AKAP9: variants seen among roughly 807,000 people sequenced by gnomAD.
AKAP9 encodes the protein A-kinase anchoring protein 9.
A neutral mutation model predicts 488.5 loss-of-function variants in AKAP9; 311 were observed. That is an observed-to-expected ratio of 0.64 (90% CI 0.58 to 0.70). The LOEUF is 0.70. Ranked by LOEUF, AKAP9 falls within the 30% of genes least tolerant of loss-of-function variation. AKAP9 has a pLI of 0.00. For synonymous variants in AKAP9, 1,462 were observed against 1,483.5 expected (o/e 0.99, Z 0.33); for missense variants, 4,215 against 4,374.5 (o/e 0.96, Z 1.03).
At chr7:92,059,364 C>T (rs181210296) in intron 22 of AKAP9, among the ~76,000 whole-genome samples, 74 of 151,764 alleles carry the variant, frequency 4.9e-4, no homozygotes, top group East Asian at 9.7e-4. Context: ...TCTCATCTCC[C>T]GATGAAGTGT....
intron 44 of AKAP9, chr7:92,100,135 A>T (rs1817278188): frequency 2.7e-6 from 1 of 367,034 alleles, no homozygotes. Context: ...ACCTGAGAAA[A>T]CTGAATTGAA....
At chr7:91,989,976 A>G (rs942815966) in intron 3 of AKAP9, among the ~76,000 whole-genome samples, 5 of 152,048 alleles carry the variant, frequency 3.3e-5, no homozygotes, top group Non-Finnish European at 5.9e-5. Flanking sequence ...CTGAATAGCA[A>G]TGTTGTTATG....
Position 92,089,541 on chromosome 7 carries a change from G to A in AKAP9, c.9358+12G>A, listed in dbSNP as rs767360713. On this transcript the variant is annotated intron_variant, in intron 38 of 49. Coordinates refer to ENST00000356239, the MANE Select transcript of AKAP9 (RefSeq NM_005751.5). ...GAAACCAAGCCAAGGTATGTTGTAT[G>A]ACAAGCTCATATGGTTACACAAACA... 2 of 1,612,508 alleles carry A rather than the reference G, an allele frequency of 1.2e-6. No individual in the cohort carries two copies. The highest frequency in any genetic ancestry group is 3.3e-5 in the Admixed American group (2 of 59,952).
chr7:92,092,481 A>G (rs1172300314), intron 38 of AKAP9: 2 of 150,798 alleles, frequency 1.3e-5, no homozygotes, highest in Non-Finnish European at 2.9e-5. Context: ...GAAATTCTGA[A>G]TGTACAAATA....
rs758216355 is a variant in AKAP9, at chr7:92,086,428, C to T, written c.9213+12C>T. The stretch of plus-strand genomic sequence containing the variant: ...GAATACAAGAACAGGTATAATGAAA[C>T]TTCATTTTAAAAACACTTTAATAGA... On this transcript the variant is annotated intron_variant, in intron 37 of 49. Transcript: ENST00000356239. 3.8e-6 allele frequency: 6 copies of T among 1,599,738 alleles called. No homozygotes were observed. Among genetic ancestry groups the T allele is most frequent in the Non-Finnish European group, 5.1e-6 (6 of 1,167,190 alleles).
At chr7:91,969,603 G>C (rs1345530583) in intron 1 of AKAP9, among the ~76,000 whole-genome samples, 1 of 152,156 alleles carries the variant, frequency 6.6e-6, no homozygotes, top group Non-Finnish European at 1.5e-5. Flanking sequence ...TGGGTGCATA[G>C]ATATTTATAA....
At position 92,002,106 on chromosome 7, in the gene AKAP9, TA is replaced by T. The variant is rs747645926; in HGVS notation, c.2190del (p.Leu731SerfsTer25). The T allele has an allele frequency of 1.3e-6, 2 of 1,592,844 alleles. No homozygotes were observed. Among genetic ancestry groups the T allele is most frequent in the Non-Finnish European group, 1.7e-6 (2 of 1,174,392 alleles). Reference sequence around the variant, plus strand: ...AATGAACTTCAAAAAGAAATTGAAATACTCAGACAAGAAGAAAAAGAAAAGG... The same window carrying T: ...AATGAACTTCAAAAAGAAATTGAAATCTCAGACAAGAAGAAAAAGAAAAGG... ...QINELQKEIE[I>X]LRQEEKEKGT... is the part of the protein sequence containing the mutation. On this transcript the variant is annotated frameshift_variant, in exon 8 of 50. Coordinates refer to ENST00000356239, the MANE Select transcript of AKAP9 (RefSeq NM_005751.5). LOFTEE classifies it high-confidence loss of function.
intron 2 of AKAP9, among the ~76,000 whole-genome samples, chr7:91,975,925 GTTTT>G (rs34121912): frequency 1.2e-4 from 9 of 73,742 alleles, no homozygotes; most frequent in East Asian, 9.8e-4. Flanking sequence ...TTGTTTGTTT[GTTTT>G]TTTTTTTTTT....
At chr7:92,070,000 A>C in intron 26 of AKAP9, 30 bp from the exon 27 acceptor site, 1 of 1,598,626 alleles carries the variant, frequency 6.3e-7, no homozygotes, top group Non-Finnish European at 8.5e-7. Flanking sequence ...AATTTTTTTT[A>C]AATTAAATTT....
In AKAP9 at chr7:91,973,849, A is replaced by G. The variant is rs1295564115; in HGVS notation, c.187A>G (p.Asn63Asp). The change falls in exon 2 of 50, where the codon AAT (asparagine) becomes GAT (aspartate). Residue 63 changes from asparagine (N) to aspartate (D), a missense_variant. Physicochemically the swap from Asn to Asp is conservative, Grantham distance 23 (BLOSUM62 1). Coordinates refer to ENST00000356239, the MANE Select transcript of AKAP9 (RefSeq NM_005751.5). ...TTTGAATATTGATCAATCACAGTGT[A>G]ATGAAATGTACATAAATAGTTCTCA... The part of the protein sequence containing the change: ...HDLNIDQSQC[N>D]EMYINSSQRV... 2 of 1,614,156 alleles carry G rather than the reference A, an allele frequency of 1.2e-6. No homozygotes were observed. The highest frequency in any genetic ancestry group is 1.1e-5 in the South Asian group (1 of 91,070).
intron 6 of AKAP9, 45 bp from the exon 7 acceptor site, chr7:91,995,558 A>G (rs763855463): frequency 5.7e-6 from 9 of 1,565,486 alleles, no homozygotes; most frequent in Admixed American, 5.1e-5. Context: ...TCCCTAATAC[A>G]GTCACTTCAG....
chr7:92,014,146 G>T, intron 9 of AKAP9, 103 bp from the exon 10 acceptor site: 1 of 774,594 alleles, frequency 1.3e-6, no homozygotes, highest in Admixed American at 2.1e-5. Flanking sequence ...AATTTAAAAT[G>T]ATTCTTATTG....
At chr7:92,040,965 A>G in intron 18 of AKAP9, 67 bp downstream of exon 18, 2 of 1,308,310 alleles carry the variant, frequency 1.5e-6, no homozygotes, top group Non-Finnish European at 2.1e-6. Context: ...CTTGAACCAG[A>G]TCCCCAATTA....
intron 8 of AKAP9, among the ~76,000 whole-genome samples, chr7:92,009,689 C>T (rs1800423179): frequency 6.6e-6 from 1 of 152,108 alleles, no homozygotes; most frequent in South Asian, 2.1e-4. Context: ...ATACGAAGAC[C>T]TGATAAGAAC....
intron 8 of AKAP9, among the ~76,000 whole-genome samples, chr7:92,011,071 T>C (rs1800686712): frequency 1.3e-5 from 2 of 152,228 alleles, no homozygotes; most frequent in Non-Finnish European, 1.5e-5. Context: ...AGTAATTGTT[T>C]TCATTAAAAC....
intron 2 of AKAP9, among the ~76,000 whole-genome samples, chr7:91,978,677 AT>A (rs1442354372): frequency 6.6e-6 from 1 of 151,984 alleles, no homozygotes; most frequent in African/African-American, 2.4e-5. Flanking sequence ...TTCTTTAGTT[AT>A]TACTTTTTTT....
At chr7:91,992,020 C>A in intron 3 of AKAP9, 138 bp from the exon 4 acceptor site, 2 of 703,068 alleles carry the variant, frequency 2.8e-6, no homozygotes, top group South Asian at 1.7e-5. Flanking sequence ...TTAAATTAAT[C>A]TCTGTATCTG....
intron 28 of AKAP9, among the ~76,000 whole-genome samples, 157 bp downstream of exon 28, chr7:92,071,166 C>T (rs1811666807): frequency 6.6e-6 from 1 of 152,088 alleles, no homozygotes; most frequent in Non-Finnish European, 1.5e-5. Flanking sequence ...AGGCAGTAAA[C>T]ATATGAGTAA....
At chr7:92,043,878 C>G (rs915446909) in intron 20 of AKAP9, among the ~76,000 whole-genome samples, 6 of 152,172 alleles carry the variant, frequency 3.9e-5, no homozygotes, top group African/African-American at 1.4e-4. Context: ...ATAAAACTGT[C>G]TTAAGGCAGA....
Sources: gnomAD v4.1 joint callset for allele counts (sites outside exome capture counted in the v4.1 genomes callset) on GRCh38, gnomAD v4.1.1 for gene constraint, MANE v1.5 for transcripts, NCBI Gene and HGNC (gene_info 2026-07-23, HGNC 2026-07-21) for gene names.